Variants in FSTL1 observed in about 807,000 individuals in gnomAD.
The protein encoded by FSTL1 is follistatin-related protein 1.
Under a neutral mutation model 45.9 loss-of-function variants are expected in FSTL1, and 24 were observed. The observed-to-expected ratio is 0.52, with a 90% CI of 0.38 to 0.74. The LOEUF is 0.74. Ranked by LOEUF, FSTL1 falls within the 30% of genes least tolerant of loss-of-function variation. FSTL1 has a pLI of 0.00. For synonymous variants in FSTL1, 120 were observed against 137.6 expected (o/e 0.87, Z 0.89); for missense variants, 340 against 381.8 (o/e 0.89, Z 0.91).
At chr3:120,418,250 ATAT>A (rs960179445) in intron 2 of FSTL1, among the ~76,000 whole-genome samples, 1 of 152,232 alleles carries the variant, frequency 6.6e-6, no homozygotes, top group Non-Finnish European at 1.5e-5. Context: ...AAGAATAGGT[ATAT>A]TATTATTAAC....
intron 9 of FSTL1, 118 bp downstream of exon 9, chr3:120,402,690 G>A: frequency 2.8e-6 from 2 of 703,958 alleles, no homozygotes; most frequent in Non-Finnish European, 5.2e-6. Flanking sequence ...GGTCTGCCTG[G>A]GTTCCTTGCT....
chr3:120,426,467 G>C (rs901545107), intron 2 of FSTL1, among the ~76,000 whole-genome samples: 1 of 152,106 alleles, frequency 6.6e-6, no homozygotes, highest in Admixed American at 6.6e-5. Flanking sequence ...TATCGCCTAA[G>C]AGGTATCTAG....
chr3:120,399,898 C>G lies in FSTL1; in HGVS notation c.867G>C (p.Glu289Asp). ...TGCCACTCACCTGATGCTTTTGGAGCTCCTGGACATATCTGGTCATCTCCT... is the reference window on the plus strand; with the variant it reads ...TGCCACTCACCTGATGCTTTTGGAGGTCCTGGACATATCTGGTCATCTCCT... ...TEEEMTRYVQ[E>D]LQKHQETAEK... is the part of the protein sequence containing the mutation. The change falls in exon 10 of 11, where the codon GAG (glutamate) becomes GAC (aspartate). Residue 289 changes from glutamate (E) to aspartate (D), a missense_variant. Glu to Asp is a conservative substitution (Grantham distance 45). Transcript: ENST00000295633. The G allele has an allele frequency of 6.2e-7, 1 of 1,606,008 alleles. No homozygotes were observed. Among genetic ancestry groups the G allele is most frequent in the Non-Finnish European group, 8.5e-7 (1 of 1,175,642 alleles).
At chr3:120,444,900 A>G (rs1360392920) in intron 2 of FSTL1, among the ~76,000 whole-genome samples, 1 of 149,748 alleles carries the variant, frequency 6.7e-6, no homozygotes, top group African/African-American at 2.6e-5. Flanking sequence ...GTTTTTGTAA[A>G]TGCTTTTGGT....
In FSTL1 at chr3:120,404,866, T is replaced by C; in HGVS notation, c.568A>G (p.Asn190Asp). 1.3e-6 allele frequency: 2 copies of C among 1,545,448 alleles called. No homozygotes were observed. The highest frequency in any genetic ancestry group is 1.8e-6 in the Non-Finnish European group (2 of 1,117,052). Residue 190 changes from asparagine to aspartate, a missense_variant, in exon 7 of 11, where the codon AAC (asparagine) becomes GAC (aspartate). Asn to Asp is a conservative substitution (Grantham distance 23). Transcript: ENST00000295633. The stretch of plus-strand genomic sequence containing the variant: ...GGTTCCTCTCACCTAAGCAACTTGT[T>C]GTTCTCCTGGTCTGGATACGTTGTA... ...NITTYPDQEN[N>D]KLLRGLCVDA...
intron 2 of FSTL1, among the ~76,000 whole-genome samples, chr3:120,450,231 A>T (rs1937854217): frequency 6.6e-6 from 1 of 152,202 alleles, no homozygotes; most frequent in South Asian, 2.1e-4. Flanking sequence ...CTCACTTTAA[A>T]AGAGAGAAAG....
chr3:120,397,415 A>T (rs529542708), intron 10 of FSTL1, among the ~76,000 whole-genome samples: 1 of 152,340 alleles, frequency 6.6e-6, no homozygotes, highest in South Asian at 2.1e-4. Context: ...GACCTTGGGC[A>T]TATTATGAAA....
rs1410420545 is a variant in FSTL1, at chr3:120,395,524, G to T, written c.*1428C>A. 1.4e-5 allele frequency: 6 copies of T among 428,790 alleles called. No homozygotes were observed. The highest frequency in any genetic ancestry group is 7.4e-5 in the East Asian group (1 of 13,518). The allele number at this position is 428,790 out of a possible 1,614,324, so 26.6% of individuals were successfully genotyped here. On this transcript the variant is annotated 3_prime_UTR_variant, in exon 11 of 11. Coordinates refer to ENST00000295633, the MANE Select transcript of FSTL1 (RefSeq NM_007085.5). ...TGAAATGCAAATATGAAGACAGAGTGGGGTGGTTCTCTTTCCCACTCTCTT... is the reference window on the plus strand; with the variant it reads ...TGAAATGCAAATATGAAGACAGAGTTGGGTGGTTCTCTTTCCCACTCTCTT...
Position 120,404,986 on chromosome 3 carries a change from A to G in FSTL1, c.463-15T>C. The G allele has an allele frequency of 7.6e-7, 1 of 1,317,996 alleles. No individual in the cohort carries two copies. The highest frequency in any genetic ancestry group is 1.2e-5 in the South Asian group (1 of 85,240). 81.6% of individuals were successfully genotyped at this position (1,317,996 alleles called of 1,614,324 possible). The stretch of plus-strand genomic sequence containing the variant: ...TTATCAAAGTTCTAGAAAGGGCATG[A>G]CAAGATCGTTCAGGGATGTTTTGCA... On this transcript the variant is annotated splice_polypyrimidine_tract_variant and intron_variant, in intron 6 of 10. Coordinates refer to ENST00000295633, the MANE Select transcript of FSTL1 (RefSeq NM_007085.5).
At position 120,396,249 on chromosome 3, in the gene FSTL1, T is replaced by A. The variant is rs1166349254; in HGVS notation, c.*703A>T. 6.6e-6 allele frequency: 1 copy of A among 152,118 alleles called. No individual in the cohort carries two copies. Among genetic ancestry groups the A allele is most frequent in the Non-Finnish European group, 1.5e-5 (1 of 67,994 alleles). The allele number at this position is 152,118 out of a possible 1,614,324, so 9.4% of individuals were successfully genotyped here. A position where few individuals can be genotyped will look rare whatever the true frequency, so the allele number is the denominator to read the frequency against. On this transcript the variant is annotated 3_prime_UTR_variant, in exon 11 of 11. Coordinates refer to ENST00000295633, the MANE Select transcript of FSTL1 (RefSeq NM_007085.5). Reference sequence around the variant, plus strand: ...ATATTAAAAAACAATAATATAATGATAATAATTGAAGAATAAAGTCAACTT... The same window carrying A: ...ATATTAAAAAACAATAATATAATGAAAATAATTGAAGAATAAAGTCAACTT...
At chr3:120,424,397 C>G (rs1937339174) in intron 2 of FSTL1, among the ~76,000 whole-genome samples, 1 of 152,210 alleles carries the variant, frequency 6.6e-6, no homozygotes, top group Admixed American at 6.5e-5. Flanking sequence ...AACAAGAATA[C>G]AGGCCAATGC....
intron 2 of FSTL1, chr3:120,419,182 AGTG>A (rs1284160285): frequency 6.6e-6 from 1 of 152,318 alleles, no homozygotes; most frequent in African/African-American, 2.4e-5. Context: ...CGGAACAAGA[AGTG>A]GTGCAGGAGG....
intron 8 of FSTL1, 58 bp from the exon 9 acceptor site, chr3:120,402,976 TTG>T (rs1481575272): frequency 9.0e-7 from 1 of 1,107,400 alleles, no homozygotes; most frequent in Non-Finnish European, 1.4e-6. Context: ...CAGGGCATCT[TTG>T]CTACAGTCTG....
chr3:120,393,713 CAT>C lies in FSTL1; in HGVS notation c.*3237_*3238del, dbSNP rs1362977998. On this transcript the variant is annotated 3_prime_UTR_variant, in exon 11 of 11. Transcript: ENST00000295633. ...TTGAATGTTTATGTCCCCCAAAATT[CAT>C]ATGTTAAAATTGAATCCCCAAAGCA... is the stretch of plus-strand genomic sequence containing the variant. The C allele has an allele frequency of 1.3e-5, 2 of 152,146 alleles. No individual in the cohort carries two copies. The highest frequency in any genetic ancestry group is 1.5e-5 in the Non-Finnish European group (1 of 68,026). 9.4% of individuals were successfully genotyped at this position (152,146 alleles called of 1,614,324 possible).
chr3:120,438,095 C>T lies in FSTL1; in HGVS notation c.63+12589G>A, dbSNP rs183303375. On this transcript the variant is annotated intron_variant, in intron 2 of 10. Transcript: ENST00000295633. ...TTCCAGAAAACAAAATTAGGGTCCACGCAATAGTTTCAGACAACTATTTCT... is the reference window on the plus strand; with the variant it reads ...TTCCAGAAAACAAAATTAGGGTCCATGCAATAGTTTCAGACAACTATTTCT... Among the ~76,000 whole-genome samples the T allele has an allele frequency of 8.6e-4, 131 of 152,270 alleles. 2 individuals are homozygous for T. The highest frequency in any genetic ancestry group is 4.4e-5 in the Non-Finnish European group (3 of 68,024).
At chr3:120,407,006 T>C (rs1469775343) in intron 6 of FSTL1, among the ~76,000 whole-genome samples, 1 of 152,220 alleles carries the variant, frequency 6.6e-6, no homozygotes, top group Non-Finnish European at 1.5e-5. Context: ...TTTAAATCAT[T>C]TTGTGCATGA....
chr3:120,399,001 G>A (rs1936762482), intron 10 of FSTL1, among the ~76,000 whole-genome samples: 1 of 152,168 alleles, frequency 6.6e-6, no homozygotes, highest in Non-Finnish European at 1.5e-5. Flanking sequence ...CATTAAGAAT[G>A]ATCAATAAAT....
intron 10 of FSTL1, 26 bp downstream of exon 10, chr3:120,399,857 G>A (rs1375433771): frequency 6.6e-7 from 1 of 1,522,658 alleles, no homozygotes; most frequent in Admixed American, 1.8e-5. Flanking sequence ...AGCAACACCT[G>A]AACCAGCACG....
At chr3:120,414,237 C>T (rs542544976) in intron 3 of FSTL1, among the ~76,000 whole-genome samples, 2,334 of 152,234 alleles carry the variant, frequency 0.015, 65 homozygotes, top group African/African-American at 0.053. Context: ...TCTGCCTGGC[C>T]GCCTATCGTC....
Sources: allele counts gnomAD v4.1 joint callset (sites outside exome capture counted in the v4.1 genomes callset), GRCh38; gene constraint gnomAD v4.1.1; transcripts MANE v1.5; gene names NCBI Gene and HGNC (gene_info 2026-07-23, HGNC 2026-07-21).